The following PTPRM variants were observed in gnomAD, a reference collection of about 807,000 sequenced individuals.
The protein encoded by PTPRM is receptor-type tyrosine-protein phosphatase mu.
Under a neutral mutation model 186.7 loss-of-function variants are expected in PTPRM, and 47 were observed. That is an observed-to-expected ratio of 0.25 (90% CI 0.20 to 0.32). The LOEUF (loss-of-function observed/expected upper bound fraction) is 0.32, where lower values mean the gene tolerates loss of function less well. Ranked by LOEUF, PTPRM falls within the 10% of genes least tolerant of loss-of-function variation. The pLI, the probability that PTPRM is intolerant of heterozygous loss-of-function variation, is 1.00. For missense variants in PTPRM, 1,494 were observed against 1,865.0 expected, an observed-to-expected ratio of 0.80 and a Z score of 3.66; for synonymous variants, 668 against 674.9, an observed-to-expected ratio of 0.99 and a Z score of 0.16.
In PTPRM at chr18:7,839,881, C is replaced by T. The variant is rs2046235873; in HGVS notation, c.197-48225C>T. 2.0e-5 allele frequency among the ~76,000 whole-genome samples: 3 copies of T among 151,956 alleles called. 1 individual carries two copies. The South Asian group carries it at 6.2e-4, about 32-fold the overall frequency. ...TTCGGACTGTTGGGACTGGTGATTCCCCTCTTCCTAGGGCTGGTTTAAATG... is the reference window on the plus strand; with the variant it reads ...TTCGGACTGTTGGGACTGGTGATTCTCCTCTTCCTAGGGCTGGTTTAAATG... On this transcript the variant is annotated intron_variant, in intron 2 of 32. Transcript: ENST00000580170.
chr18:7,600,299 G>A (rs1280889033), intron 1 of PTPRM, among the ~76,000 whole-genome samples: 5 of 152,130 alleles, frequency 3.3e-5, no homozygotes, highest in Non-Finnish European at 7.3e-5. Flanking sequence ...AGCATGCCTC[G>A]AAGGCCAGCC....
rs1337619149 is a variant in PTPRM at position 8,247,108 on chromosome 18, T to G, written c.2453-737T>G. Among the ~76,000 whole-genome samples, 4 of 24,200 alleles carry G rather than the reference T, an allele frequency of 1.7e-4. No homozygotes were observed. In the South Asian group the frequency reaches 1.9e-3, roughly 11 times the overall value. 15.9% of individuals were successfully genotyped at this position (24,200 alleles called of 152,430 possible). The stretch of plus-strand genomic sequence containing the variant: ...TAATCAATTAATACATTTGAAGAGG[T>G]TTTTTTTTACTTAAAAAAATTATTC... On this transcript the variant is annotated intron_variant, in intron 15 of 32. Transcript: ENST00000580170.
At chr18:7,868,068 A>G (rs1440523855) in intron 2 of PTPRM, among the ~76,000 whole-genome samples, 2 of 152,082 alleles carry the variant, frequency 1.3e-5, no homozygotes, top group African/African-American at 2.4e-5. Flanking sequence ...GTTCTTCTCT[A>G]AACTGGTTAT....
At chr18:7,812,163 T>C (rs2044558059) in intron 2 of PTPRM, among the ~76,000 whole-genome samples, 1 of 152,246 alleles carries the variant, frequency 6.6e-6, no homozygotes, top group Admixed American at 6.5e-5. Context: ...TAGGCATTAC[T>C]GAGTGACTGA....
chr18:7,615,435 T>C (rs1238906925), intron 1 of PTPRM, among the ~76,000 whole-genome samples: 3 of 152,068 alleles, frequency 2.0e-5, no homozygotes, highest in African/African-American at 7.2e-5. Context: ...TCTAGCTGAG[T>C]GTAGCTGGCT....
chr18:7,893,312 G>A (rs1013692351), intron 3 of PTPRM, among the ~76,000 whole-genome samples: 1 of 152,120 alleles, frequency 6.6e-6, no homozygotes, highest in Non-Finnish European at 1.5e-5. Context: ...GGATGGCTAG[G>A]TACCTACAGA....
intron 7 of PTPRM, among the ~76,000 whole-genome samples, chr18:8,048,037 A>G (rs1270056796): frequency 6.6e-6 from 1 of 152,210 alleles, no homozygotes; most frequent in African/African-American, 2.4e-5. Context: ...CCAGGAAAAC[A>G]ATGAAAAACA....
At chr18:7,903,205 A>C (rs2049792235) in intron 3 of PTPRM, among the ~76,000 whole-genome samples, 2 of 152,234 alleles carry the variant, frequency 1.3e-5, no homozygotes, top group African/African-American at 4.8e-5. Context: ...TGAATGAATG[A>C]ATGCATGGAT....
In PTPRM at chr18:8,118,811, AAT is replaced by A. The variant is rs1555749529; in HGVS notation, c.2167+4005_2167+4006del. 8.0e-3 allele frequency among the ~76,000 whole-genome samples: 1,023 copies of A among 128,320 alleles called. 5 individuals carry two copies. The highest frequency in any genetic ancestry group is 0.023 in the African/African-American group (808 of 34,742). The allele number at this position is 128,320 out of a possible 152,430, so 84.2% of individuals were successfully genotyped here. ...TGACATTCCATCTCAAAAAAAAAAA[AAT>A]ATATATATATATATATATATGAGAT... is the stretch of plus-strand genomic sequence containing the variant. On this transcript the variant is annotated intron_variant, in intron 13 of 32. Coordinates refer to ENST00000580170, the MANE Select transcript of PTPRM (RefSeq NM_001105244.2).
chr18:7,862,212 A>C (rs566751865), intron 2 of PTPRM, among the ~76,000 whole-genome samples: 1 of 152,346 alleles, frequency 6.6e-6, no homozygotes, highest in African/African-American at 2.4e-5. Flanking sequence ...TTTGCTGTAT[A>C]ATAGTAGGTG....
At chr18:7,681,965 T>C (rs1434191401) in intron 1 of PTPRM, among the ~76,000 whole-genome samples, 1 of 152,218 alleles carries the variant, frequency 6.6e-6, no homozygotes, top group Non-Finnish European at 1.5e-5. Context: ...GGGCTGATAA[T>C]TATAACTAAG....
At chr18:8,100,865 A>G (rs75212960) in intron 11 of PTPRM, among the ~76,000 whole-genome samples, 243 of 152,342 alleles carry the variant, frequency 1.6e-3, no homozygotes, top group African/African-American at 5.6e-3. Flanking sequence ...TTAGTAATAC[A>G]CTTAAAATTT....
chr18:8,100,452 G>A (rs375691359), intron 11 of PTPRM, among the ~76,000 whole-genome samples: 4 of 152,116 alleles, frequency 2.6e-5, no homozygotes, highest in Admixed American at 6.5e-5. Flanking sequence ...GATGCCACAC[G>A]TTTTTAAGAG....
chr18:8,369,623 G>A (rs2095652095), intron 23 of PTPRM, among the ~76,000 whole-genome samples: 1 of 152,128 alleles, frequency 6.6e-6, no homozygotes, highest in African/African-American at 2.4e-5. Flanking sequence ...GGTGCTGGCA[G>A]GACCTCCAAG....
chr18:8,315,240 C>T (rs1021186748), intron 21 of PTPRM, among the ~76,000 whole-genome samples: 8 of 152,216 alleles, frequency 5.3e-5, no homozygotes, highest in African/African-American at 1.9e-4. Context: ...TCATATTATT[C>T]GACACTTAAA....
At chr18:8,403,073 G>C (rs1013334687) in intron 32 of PTPRM, 3 of 152,256 alleles carry the variant, frequency 2.0e-5, no homozygotes, top group Non-Finnish European at 4.4e-5. Context: ...TTTATGACCA[G>C]AGGGGAATGG....
intron 1 of PTPRM, among the ~76,000 whole-genome samples, chr18:7,596,905 G>C (rs1333208285): frequency 4.6e-5 from 7 of 151,228 alleles, no homozygotes; most frequent in Non-Finnish European, 8.8e-5. Flanking sequence ...CCAGGCTGGA[G>C]TGCATTGGCA....
intron 19 of PTPRM, among the ~76,000 whole-genome samples, chr18:8,287,537 G>A (rs2094970363): frequency 6.6e-6 from 1 of 152,204 alleles, no homozygotes; most frequent in Admixed American, 6.5e-5. Flanking sequence ...AGATGGGTTG[G>A]AGGCTGCTCT....
chr18:8,374,028 C>T (rs1278060044), intron 24 of PTPRM, among the ~76,000 whole-genome samples: 1 of 152,028 alleles, frequency 6.6e-6, no homozygotes, highest in Non-Finnish European at 1.5e-5. Context: ...ATGTTCTTCC[C>T]CAAATGTATT....
Sources: allele counts gnomAD v4.1 joint callset (sites outside exome capture counted in the v4.1 genomes callset), GRCh38; gene constraint gnomAD v4.1.1; transcripts MANE v1.5; gene names NCBI Gene and HGNC (gene_info 2026-07-23, HGNC 2026-07-21).